Variants in ZFP2 observed in about 807,000 individuals in gnomAD.
ZFP2 encodes the protein ZFP2 zinc finger protein.
In ZFP2, 33 loss-of-function variants were observed where a neutral mutation model predicts 36.1. That is an observed-to-expected ratio of 0.92 (90% confidence interval 0.69 to 1.22). The LOEUF (loss-of-function observed/expected upper bound fraction) is 1.22, where lower values mean the gene tolerates loss of function less well. ZFP2 is among the 50% of genes most tolerant of loss of function. ZFP2 has a pLI of 0.00. For missense variants in ZFP2, 522 were observed against 551.4 expected (o/e 0.95, Z 0.53); for synonymous variants, 170 against 178.0 (o/e 0.96, Z 0.36).
intron 1 of ZFP2, chr5:178,909,956 G>T (rs1758255517): frequency 1.4e-6 from 2 of 1,405,282 alleles, no homozygotes; most frequent in South Asian, 1.2e-5. Flanking sequence ...TCAGCCATTG[G>T]TCCAATACTG....
intron 4 of ZFP2, among the ~76,000 whole-genome samples, chr5:178,923,086 G>A (rs774615003): frequency 6.0e-5 from 9 of 149,008 alleles, no homozygotes; most frequent in Non-Finnish European, 1.2e-4. Context: ...TAATTCTTTA[G>A]GTGTCTTTTT....
In ZFP2 at chr5:178,900,971, G is replaced by T. The variant is rs114842453; in HGVS notation, c.-450+4997G>T. Among the ~76,000 whole-genome samples the T allele has an allele frequency of 3.2e-3, 483 of 152,292 alleles. 6 individuals are homozygous for T. The highest frequency in any genetic ancestry group is 0.011 in the African/African-American group (453 of 41,558). On this transcript the variant is annotated intron_variant, in intron 1 of 4. Coordinates refer to ENST00000361362, the MANE Select transcript of ZFP2 (RefSeq NM_030613.4). Reference sequence around the variant, plus strand: ...CCTGGCTTTTTTTGCTCAACGTAATGTTTTTCAGGTCTTTACATGATATTG... The same window carrying T: ...CCTGGCTTTTTTTGCTCAACGTAATTTTTTTCAGGTCTTTACATGATATTG...
At chr5:178,924,464 C>T (rs1758625320) in intron 4 of ZFP2, among the ~76,000 whole-genome samples, 2 of 148,528 alleles carry the variant, frequency 1.3e-5, no homozygotes, top group Admixed American at 6.7e-5. Flanking sequence ...CTCAAAAGTC[C>T]GAAGTTTCAT....
chr5:178,928,047 C>T (rs953132247), intron 4 of ZFP2, among the ~76,000 whole-genome samples: 4 of 151,738 alleles, frequency 2.6e-5, no homozygotes, highest in Non-Finnish European at 4.4e-5. Flanking sequence ...GTGGCCAGAT[C>T]TCATGAGAAC....
At chr5:178,928,460 G>A (rs1423247209) in intron 4 of ZFP2, among the ~76,000 whole-genome samples, 1 of 150,582 alleles carries the variant, frequency 6.6e-6, no homozygotes, top group East Asian at 1.9e-4. Context: ...TTCCAAAAGG[G>A]AGAACTCTCT....
chr5:178,904,581 A>G (rs1581828656), intron 1 of ZFP2, among the ~76,000 whole-genome samples: 1 of 150,100 alleles, frequency 6.7e-6, no homozygotes, highest in South Asian at 2.1e-4. Context: ...ATATATTTAT[A>G]TATGAGTTTA....
In ZFP2 at chr5:178,916,713, A is replaced by G. The variant is rs1581836533; in HGVS notation, c.-78+3A>G. ...TACTTGACACAAAACATCTATAGGTAAGTACTGGTACTCCTCTTACGGTGG... is the reference window on the plus strand; with the variant it reads ...TACTTGACACAAAACATCTATAGGTGAGTACTGGTACTCCTCTTACGGTGG... On this transcript the variant is annotated splice_donor_region_variant and intron_variant, in intron 4 of 4. Transcript: ENST00000361362. The G allele has an allele frequency of 1.0e-6, 1 of 985,332 alleles. No individual in the cohort carries two copies. The allele number at this position is 985,332 out of a possible 1,614,324, so 61.0% of individuals were successfully genotyped here.
chr5:178,900,333 TC>T (rs1008248293), intron 1 of ZFP2, among the ~76,000 whole-genome samples: 1 of 147,686 alleles, frequency 6.8e-6, no homozygotes, highest in African/African-American at 2.5e-5. Flanking sequence ...CTACTCCACG[TC>T]CCCCTCCCCA....
chr5:178,916,287 T>G (rs1758429822), intron 3 of ZFP2, among the ~76,000 whole-genome samples: 1 of 152,104 alleles, frequency 6.6e-6, no homozygotes, highest in Non-Finnish European at 1.5e-5. Flanking sequence ...CTGAGAGAAA[T>G]ACGCTGTGGG....
chr5:178,924,370 CT>C (rs1237742767), intron 4 of ZFP2, among the ~76,000 whole-genome samples: 17 of 24,034 alleles, frequency 7.1e-4, no homozygotes, highest in Admixed American at 6.2e-3. Flanking sequence ...GAGACTCTGT[CT>C]CAAAAAAAAA....
chr5:178,915,318 CTTTCTTT>C (rs1029297062), intron 3 of ZFP2, among the ~76,000 whole-genome samples: 2 of 112,554 alleles, frequency 1.8e-5, no homozygotes, highest in Admixed American at 1.1e-4. Flanking sequence ...AAAGGTTTTT[CTTTCTTT>C]TTTTTTTTTT....
Position 178,931,655 on chromosome 5 carries a change from CT to C in ZFP2, c.343del (p.Ser115HisfsTer57). 2 of 1,614,100 alleles carry C rather than the reference CT, an allele frequency of 1.2e-6. No individual in the cohort carries two copies. The highest frequency in any genetic ancestry group is 1.7e-6 in the Non-Finnish European group (2 of 1,180,010). Reference protein sequence around the residue: ...NQCSKTFSQSSSLLKHQRIHT... With the variant: ...NQCSKTFSQSXSLLKHQRIHT... Reference sequence around the variant, plus strand: ...AGTGCAGCAAAACCTTCAGTCAGAGCTCATCCCTTCTTAAGCACCAGAGGAT... The same window carrying C: ...AGTGCAGCAAAACCTTCAGTCAGAGCCATCCCTTCTTAAGCACCAGAGGAT... On this transcript the variant is annotated frameshift_variant, in exon 5 of 5. Transcript: ENST00000361362. LOFTEE classifies it high-confidence loss of function.
At position 178,931,284 on chromosome 5, in the gene ZFP2, A is replaced by T. The variant is rs758372785; in HGVS notation, c.-30A>T. The T allele has an allele frequency of 1.7e-5, 26 of 1,544,122 alleles. No homozygotes were observed. Among genetic ancestry groups the T allele is most frequent in the Non-Finnish European group, 2.3e-5 (26 of 1,150,128 alleles). ...CAAAGAGCCAACTCCGAAGCCGGGTATTACTGAAGATTTATGCCATGGGGT... is the reference window on the plus strand; with the variant it reads ...CAAAGAGCCAACTCCGAAGCCGGGTTTTACTGAAGATTTATGCCATGGGGT... On this transcript the variant is annotated 5_prime_UTR_variant, in exon 5 of 5. Coordinates refer to ENST00000361362, the MANE Select transcript of ZFP2 (RefSeq NM_030613.4).
At chr5:178,926,714 T>C (rs1758680818) in intron 4 of ZFP2, among the ~76,000 whole-genome samples, 1 of 152,120 alleles carries the variant, frequency 6.6e-6, no homozygotes, top group African/African-American at 2.4e-5. Context: ...GAGACAGGGT[T>C]TCACCGTGTT....
At chr5:178,906,404 C>G (rs911709757) in intron 1 of ZFP2, among the ~76,000 whole-genome samples, 1 of 152,120 alleles carries the variant, frequency 6.6e-6, no homozygotes, top group Non-Finnish European at 1.5e-5. Context: ...TAACGTTATT[C>G]TCACTGCTTT....
intron 4 of ZFP2, among the ~76,000 whole-genome samples, chr5:178,927,574 G>C (rs1172481738): frequency 6.7e-6 from 1 of 150,010 alleles, no homozygotes; most frequent in Admixed American, 6.7e-5. Flanking sequence ...TCAGCTCACT[G>C]CAACCTCCAC....
intron 4 of ZFP2, among the ~76,000 whole-genome samples, chr5:178,920,554 T>C (rs1448368823): frequency 1.3e-5 from 2 of 152,020 alleles, no homozygotes; most frequent in Admixed American, 1.3e-4. Context: ...GGAGAATCGC[T>C]TGAACCCGGG....
At chr5:178,910,212 G>A in intron 1 of ZFP2, 2 of 1,579,962 alleles carry the variant, frequency 1.3e-6, no homozygotes, top group Non-Finnish European at 1.7e-6. Flanking sequence ...CATGGTTGCA[G>A]CCTGGAACTT....
chr5:178,899,286 T>A (rs1348754602), intron 1 of ZFP2, among the ~76,000 whole-genome samples: 1 of 152,158 alleles, frequency 6.6e-6, no homozygotes, highest in African/African-American at 2.4e-5. Flanking sequence ...GCCATATAGG[T>A]GACATGAAGA....
Sources: gnomAD v4.1 joint callset for allele counts (sites outside exome capture counted in the v4.1 genomes callset) on GRCh38, gnomAD v4.1.1 for gene constraint, MANE v1.5 for transcripts, NCBI Gene and HGNC (gene_info 2026-07-23, HGNC 2026-07-21) for gene names.